The following MAGI2 variants were observed in gnomAD, a reference collection of about 807,000 sequenced individuals.
The protein encoded by MAGI2 is membrane associated guanylate kinase, WW and PDZ domain containing 2, also known as membrane-associated guanylate kinase, WW and PDZ domain-containing protein 2.
MAGI2 carries 35 observed loss-of-function variants against 133.3 expected under a neutral mutation model. The ratio of observed to expected loss-of-function variants is 0.26; its 90% CI spans 0.20 to 0.35. The LOEUF is 0.35. Among genes scored for constraint, MAGI2 ranks in the 10% least tolerant of loss-of-function variants. The pLI, the probability that MAGI2 is intolerant of heterozygous loss-of-function variation, is 1.00. For missense variants in MAGI2, 1,636 were observed against 1,863.4 expected (o/e 0.88, Z 2.25); for synonymous variants, 729 against 710.6 (o/e 1.03, Z -0.41).
chr7:78,394,252 C>T (rs555108684), intron 6 of MAGI2, among the ~76,000 whole-genome samples: 132 of 152,298 alleles, frequency 8.7e-4, no homozygotes, highest in Non-Finnish European at 1.6e-3. Context: ...TAAAATTAAC[C>T]ATCACATCAC....
At chr7:78,641,899 A>G (rs1412237156) in intron 2 of MAGI2, among the ~76,000 whole-genome samples, 1 of 152,156 alleles carries the variant, frequency 6.6e-6, no homozygotes, top group East Asian at 1.9e-4. Flanking sequence ...AAGAGTGGAA[A>G]CACATCTGTT....
rs149554875 is a variant in MAGI2, at chr7:78,419,600, AT to A, written c.1046-50388del. On this transcript the variant is annotated intron_variant, in intron 6 of 21. Coordinates refer to ENST00000354212, the MANE Select transcript of MAGI2 (RefSeq NM_012301.4). ...AGACTGAGTCTGGGATTGAGCAGTG[AT>A]TTTTTTTTTTTTTTTTTTTTAAGGG... 8.0e-3 allele frequency among the ~76,000 whole-genome samples: 1,152 copies of A among 144,592 alleles called. 10 individuals are homozygous for A. Among genetic ancestry groups the A allele is most frequent in the African/African-American group, 0.016 (642 of 39,046 alleles). The allele number at this position is 144,592 out of a possible 152,430, so 94.9% of individuals were successfully genotyped here. A position where few individuals can be genotyped will look rare whatever the true frequency, so the allele number is the denominator to read the frequency against.
At chr7:78,608,712 A>C (rs559454691) in intron 3 of MAGI2, among the ~76,000 whole-genome samples, 3 of 152,248 alleles carry the variant, frequency 2.0e-5, no homozygotes, top group South Asian at 4.1e-4. Flanking sequence ...GATGTTAGGC[A>C]CTTTAATTTA....
intron 1 of MAGI2, among the ~76,000 whole-genome samples, chr7:79,409,226 A>C (rs775404945): frequency 6.7e-6 from 1 of 149,208 alleles, no homozygotes; most frequent in South Asian, 2.1e-4. Flanking sequence ...GAATTAAAAA[A>C]ATTTTTTTTC....
At chr7:78,372,081 T>C (rs1373193148) in intron 6 of MAGI2, among the ~76,000 whole-genome samples, 1 of 152,142 alleles carries the variant, frequency 6.6e-6, no homozygotes, top group Non-Finnish European at 1.5e-5. Flanking sequence ...TATGTATATA[T>C]GCATGTGTAC....
chr7:78,654,739 A>C (rs1027468824), intron 2 of MAGI2, among the ~76,000 whole-genome samples: 1 of 63,680 alleles, frequency 1.6e-5, no homozygotes, highest in African/African-American at 6.2e-5. Context: ...ATATATATAT[A>C]TATATATATA....
At chr7:78,754,481 T>C (rs1823762468) in intron 2 of MAGI2, among the ~76,000 whole-genome samples, 1 of 152,192 alleles carries the variant, frequency 6.6e-6, no homozygotes, top group Non-Finnish European at 1.5e-5. Flanking sequence ...ATGTCCATTA[T>C]GATAAACATG....
chr7:78,851,502 C>T (rs1793136911), intron 2 of MAGI2, among the ~76,000 whole-genome samples: 1 of 152,066 alleles, frequency 6.6e-6, no homozygotes, highest in Non-Finnish European at 1.5e-5. Context: ...ATAACATTCC[C>T]ATTACAATGG....
chr7:78,503,107 A>C (rs1794764091), intron 4 of MAGI2, among the ~76,000 whole-genome samples: 1 of 152,172 alleles, frequency 6.6e-6, no homozygotes, highest in Admixed American at 6.5e-5. Context: ...TAATACTCTA[A>C]GCGCAAAGAG....
chr7:79,085,869 C>T (rs1481848371), intron 1 of MAGI2, among the ~76,000 whole-genome samples: 2 of 151,896 alleles, frequency 1.3e-5, no homozygotes, highest in East Asian at 1.9e-4. Flanking sequence ...AAACTGTGCA[C>T]ACATTAAATG....
At chr7:79,361,564 A>G (rs905500608) in intron 1 of MAGI2, among the ~76,000 whole-genome samples, 4 of 152,176 alleles carry the variant, frequency 2.6e-5, no homozygotes, top group Non-Finnish European at 5.9e-5. Context: ...CATGAGGAAC[A>G]TATCTATGGA....
At chr7:78,346,375 A>T (rs1373402471) in intron 7 of MAGI2, among the ~76,000 whole-genome samples, 1 of 152,198 alleles carries the variant, frequency 6.6e-6, no homozygotes, top group East Asian at 1.9e-4. Context: ...GTGGTCAAGA[A>T]ATGAAATTTA....
At chr7:79,334,283 TA>T (rs1228255421) in intron 1 of MAGI2, among the ~76,000 whole-genome samples, 1 of 152,214 alleles carries the variant, frequency 6.6e-6, no homozygotes. Flanking sequence ...GTGTCTGGTA[TA>T]ATACTTACAT....
At chr7:78,461,586 T>C (rs1790024801) in intron 6 of MAGI2, among the ~76,000 whole-genome samples, 1 of 152,186 alleles carries the variant, frequency 6.6e-6, no homozygotes, top group African/African-American at 2.4e-5. Context: ...TTTAGAGCTT[T>C]TCAAAATTTC....
intron 9 of MAGI2, among the ~76,000 whole-genome samples, chr7:78,260,243 C>T (rs147148877): frequency 6.6e-6 from 1 of 152,268 alleles, no homozygotes; most frequent in Non-Finnish European, 1.5e-5. Context: ...ATAGACTGTG[C>T]TGTATGAATG....
chr7:78,161,667 TAA>T (rs71515391), intron 15 of MAGI2, among the ~76,000 whole-genome samples: 10 of 68,910 alleles, frequency 1.5e-4, no homozygotes, highest in Non-Finnish European at 2.6e-4. Context: ...CATCGATACC[TAA>T]AAAAAAAAAA....
intron 6 of MAGI2, among the ~76,000 whole-genome samples, chr7:78,478,670 T>C (rs1330353268): frequency 6.6e-6 from 1 of 151,866 alleles, no homozygotes; most frequent in East Asian, 1.9e-4. Context: ...CAAATACAGC[T>C]AAATACCCTG....
intron 2 of MAGI2, among the ~76,000 whole-genome samples, chr7:78,999,065 A>G (rs1411013502): frequency 6.6e-6 from 1 of 152,140 alleles, no homozygotes; most frequent in Non-Finnish European, 1.5e-5. Flanking sequence ...GGCAGCTTCT[A>G]GGACCACTGA....
intron 2 of MAGI2, among the ~76,000 whole-genome samples, chr7:78,677,783 C>T (rs1282662455): frequency 1.3e-5 from 2 of 152,066 alleles, no homozygotes; most frequent in Non-Finnish European, 2.9e-5. Context: ...ACATGGCGTC[C>T]AGTGATATTA....
Sources: gnomAD v4.1 joint callset for allele counts (sites outside exome capture counted in the v4.1 genomes callset) on GRCh38, gnomAD v4.1.1 for gene constraint, MANE v1.5 for transcripts, NCBI Gene and HGNC (gene_info 2026-07-23, HGNC 2026-07-21) for gene names.